FARP1: variants seen among roughly 807,000 people sequenced by gnomAD.
The protein encoded by FARP1 is FERM, ARHGEF and pleckstrin domain-containing protein 1.
FARP1 carries 52 observed loss-of-function variants against 128.8 expected under a neutral mutation model. The observed-to-expected ratio is 0.40, with a 90% confidence interval of 0.32 to 0.51. FARP1 has a LOEUF of 0.51. Among genes scored for constraint, FARP1 ranks in the 20% least tolerant of loss-of-function variants. The pLI is 0.45. For synonymous variants in FARP1, 580 were observed against 551.8 expected, an observed-to-expected ratio of 1.05 and a Z score of -0.72; for missense variants, 1,333 against 1,367.9, an observed-to-expected ratio of 0.97 and a Z score of 0.40.
chr13:98,311,866 C>T (rs188574855), intron 2 of FARP1, among the ~76,000 whole-genome samples: 71 of 147,700 alleles, frequency 4.8e-4, no homozygotes, highest in Admixed American at 1.1e-3. Flanking sequence ...TTTTTTGAGA[C>T]GGAGTCTCGC....
At chr13:98,353,721 ATTTTTTAAAGG>A (rs1888531003) in intron 3 of FARP1, among the ~76,000 whole-genome samples, 1 of 152,168 alleles carries the variant, frequency 6.6e-6, no homozygotes, top group Non-Finnish European at 1.5e-5. Context: ...AATATTAAAT[ATTTTTTAAAGG>A]TTGAAAAGGA....
At chr13:98,314,827 C>A (rs1485271165) in intron 2 of FARP1, among the ~76,000 whole-genome samples, 2 of 152,140 alleles carry the variant, frequency 1.3e-5, no homozygotes, top group African/African-American at 4.8e-5. Context: ...ATAGGATGAG[C>A]CAATTAAGGA....
chr13:98,164,320 A>G (rs1877092957), intron 1 of FARP1, among the ~76,000 whole-genome samples: 1 of 152,192 alleles, frequency 6.6e-6, no homozygotes, highest in Non-Finnish European at 1.5e-5. Context: ...TTTACCTGAC[A>G]GCCACAGGGC....
chr13:98,378,095 A>G (rs1566933531), intron 6 of FARP1, among the ~76,000 whole-genome samples, 177 bp downstream of exon 6: 1 of 152,214 alleles, frequency 6.6e-6, no homozygotes, highest in Non-Finnish European at 1.5e-5. Context: ...GTCATTTAAT[A>G]TGCATATCCC....
At chr13:98,277,767 C>G (rs1168741984) in intron 2 of FARP1, among the ~76,000 whole-genome samples, 1 of 152,166 alleles carries the variant, frequency 6.6e-6, no homozygotes, top group East Asian at 1.9e-4. Flanking sequence ...ATTGAGAGCA[C>G]TGGTTCTTCA....
rs537181122 is a variant in FARP1 at position 98,201,365 on chromosome 13, C to T, written c.-23-11855C>T. Among the ~76,000 whole-genome samples, 3 of 152,306 alleles carry T rather than the reference C, an allele frequency of 2.0e-5. No homozygotes were observed. In the East Asian group the frequency reaches 5.8e-4, roughly 29 times the overall value. ...CTGAACGGGGGAGGAACGCTTGAGC[C>T]CAGGAGTTAGAGGTTACAGTGAGCA... On this transcript the variant is annotated intron_variant, in intron 1 of 26. Coordinates refer to ENST00000319562, the MANE Select transcript of FARP1 (RefSeq NM_005766.4).
chr13:98,356,284 C>T (rs1172191627), intron 3 of FARP1, among the ~76,000 whole-genome samples: 1 of 152,178 alleles, frequency 6.6e-6, no homozygotes, highest in Non-Finnish European at 1.5e-5. Flanking sequence ...GCGGACATCA[C>T]AGAGTGTACT....
intron 2 of FARP1, among the ~76,000 whole-genome samples, chr13:98,327,483 C>T (rs1887286412): frequency 6.6e-6 from 1 of 152,126 alleles, no homozygotes; most frequent in African/African-American, 2.4e-5. Flanking sequence ...TTAAACTGAG[C>T]AAAAAACTCA....
At chr13:98,213,060 G>C (rs187878855) in intron 1 of FARP1, among the ~76,000 whole-genome samples, 160 bp from the exon 2 acceptor site, 36 of 152,300 alleles carry the variant, frequency 2.4e-4, no homozygotes, top group Admixed American at 2.2e-3. Flanking sequence ...TGCCTTGAGT[G>C]CTTAAAGGTG....
intron 2 of FARP1, among the ~76,000 whole-genome samples, chr13:98,280,911 T>C (rs557395830): frequency 6.6e-6 from 1 of 152,330 alleles, no homozygotes; most frequent in South Asian, 2.1e-4. Flanking sequence ...GAGAGGGATG[T>C]TTTTGTTAGG....
chr13:98,416,063 A>G (rs1250034127), intron 16 of FARP1, among the ~76,000 whole-genome samples: 1 of 152,262 alleles, frequency 6.6e-6, no homozygotes, highest in Non-Finnish European at 1.5e-5. Context: ...TTAACTTTTT[A>G]TTTGGAAATA....
intron 2 of FARP1, among the ~76,000 whole-genome samples, chr13:98,275,006 G>T (rs17455170): frequency 0.032 from 4,906 of 152,240 alleles, 92 homozygotes; most frequent in African/African-American, 0.041. Flanking sequence ...CTTCAGCCAT[G>T]CAATACTGTA....
At chr13:98,346,271 C>A (rs1306204232) in intron 3 of FARP1, among the ~76,000 whole-genome samples, 1 of 147,408 alleles carries the variant, frequency 6.8e-6, no homozygotes, top group African/African-American at 2.5e-5. Context: ...CTGACTGCAA[C>A]CTCTGCCTTC....
intron 3 of FARP1, among the ~76,000 whole-genome samples, chr13:98,346,617 C>G (rs780930723): frequency 6.6e-6 from 1 of 151,916 alleles, no homozygotes; most frequent in Admixed American, 6.6e-5. Context: ...TGGTGGCGCA[C>G]GCCTGTAGTC....
At chr13:98,290,000 C>T (rs148706176) in intron 2 of FARP1, among the ~76,000 whole-genome samples, 196 of 152,088 alleles carry the variant, frequency 1.3e-3, no homozygotes, top group African/African-American at 4.4e-3. Flanking sequence ...ACAACACCCC[C>T]ATTTTACACC....
At chr13:98,145,140 G>A (rs914786376) in intron 1 of FARP1, among the ~76,000 whole-genome samples, 2 of 152,210 alleles carry the variant, frequency 1.3e-5, no homozygotes, top group Admixed American at 1.3e-4. Context: ...TGGAGACAGT[G>A]AGTAGATGCC....
At chr13:98,273,969 A>C (rs991309682) in intron 2 of FARP1, among the ~76,000 whole-genome samples, 4 of 152,214 alleles carry the variant, frequency 2.6e-5, no homozygotes, top group African/African-American at 9.6e-5. Context: ...TTGTTTAAAA[A>C]TGACAACACC....
chr13:98,358,171 G>A (rs1412727654), intron 3 of FARP1, among the ~76,000 whole-genome samples: 1 of 150,678 alleles, frequency 6.6e-6, no homozygotes, highest in African/African-American at 2.4e-5. Flanking sequence ...CTACTCCCTG[G>A]TACTCTGTCC....
intron 1 of FARP1, among the ~76,000 whole-genome samples, chr13:98,149,578 A>G (rs1338017928): frequency 6.6e-6 from 1 of 152,132 alleles, no homozygotes; most frequent in Non-Finnish European, 1.5e-5. Flanking sequence ...ATCTTGATCA[A>G]CACTTGAAAC....
Sources: gnomAD v4.1 joint callset for allele counts (sites outside exome capture counted in the v4.1 genomes callset) on GRCh38, gnomAD v4.1.1 for gene constraint, MANE v1.5 for transcripts, NCBI Gene and HGNC (gene_info 2026-07-23, HGNC 2026-07-21) for gene names.